Variants in ADARB2 observed in about 807,000 individuals in gnomAD.
ADARB2 encodes the protein inactive double-stranded RNA-specific editase B2.
A neutral mutation model predicts 62.2 loss-of-function variants in ADARB2; 25 were observed. The ratio of observed to expected loss-of-function variants is 0.40; its 90% confidence interval spans 0.29 to 0.56. ADARB2 has a LOEUF of 0.56. Ranked by LOEUF, ADARB2 falls within the 20% of genes least tolerant of loss-of-function variation. The pLI is 0.43. For missense variants in ADARB2, 1,071 were observed against 1,077.4 expected (o/e 0.99, Z 0.08); for synonymous variants, 572 against 500.8 (o/e 1.14, Z -1.90).
At chr10:1,689,027 G>C (rs1834634856) in intron 1 of ADARB2, among the ~76,000 whole-genome samples, 1 of 152,206 alleles carries the variant, frequency 6.6e-6, no homozygotes. Context: ...GCAGGGGTAA[G>C]AAGAATTTCC....
chr10:1,452,622 G>C (rs1391288052), intron 1 of ADARB2, among the ~76,000 whole-genome samples: 1 of 149,500 alleles, frequency 6.7e-6, no homozygotes, highest in Non-Finnish European at 1.5e-5. Flanking sequence ...GGGGTTGGGG[G>C]GGGGAATATC....
chr10:1,498,946 A>T (rs1432169451), intron 1 of ADARB2, among the ~76,000 whole-genome samples: 1 of 152,016 alleles, frequency 6.6e-6, no homozygotes, highest in East Asian at 1.9e-4. Context: ...CTCACTCATT[A>T]CTCATTTATT....
chr10:1,551,477 A>G (rs1832621638), intron 1 of ADARB2, among the ~76,000 whole-genome samples: 3 of 152,224 alleles, frequency 2.0e-5, no homozygotes, highest in Non-Finnish European at 4.4e-5. Context: ...GGCAGGCTCG[A>G]GCAGGACTGC....
At chr10:1,523,076 C>A (rs1426441811) in intron 1 of ADARB2, among the ~76,000 whole-genome samples, 1 of 152,086 alleles carries the variant, frequency 6.6e-6, no homozygotes, top group South Asian at 2.1e-4. Flanking sequence ...AGAAGAGCAC[C>A]GACTCACGTT....
chr10:1,674,271 C>T (rs1303671911), intron 1 of ADARB2, among the ~76,000 whole-genome samples: 1 of 152,222 alleles, frequency 6.6e-6, no homozygotes, highest in Non-Finnish European at 1.5e-5. Flanking sequence ...GTGGGGGCCC[C>T]CGCAGCCTCA....
In ADARB2 at chr10:1,201,394, C is replaced by T. The variant is rs1019812489; in HGVS notation, c.1683-1247G>A. 3.3e-5 allele frequency among the ~76,000 whole-genome samples: 5 copies of T among 152,352 alleles called. No homozygotes were observed. The East Asian group carries it at 7.7e-4, about 23-fold the overall frequency. ...CATTGATTTTATGAAACATTTACTT[C>T]AGTCTATCAGATTTGCATAACTTCA... On this transcript the variant is annotated intron_variant, in intron 7 of 9. Coordinates refer to ENST00000381312, the MANE Select transcript of ADARB2 (RefSeq NM_018702.4).
intron 6 of ADARB2, among the ~76,000 whole-genome samples, chr10:1,227,002 G>GGA (rs1291651620): frequency 6.6e-6 from 1 of 152,248 alleles, no homozygotes; most frequent in African/African-American, 2.4e-5. Flanking sequence ...CCCCAGAGGT[G>GGA]GAGCCTATAG....
intron 1 of ADARB2, among the ~76,000 whole-genome samples, chr10:1,586,946 C>T (rs1833188700): frequency 6.6e-6 from 1 of 152,160 alleles, no homozygotes; most frequent in Admixed American, 6.5e-5. Flanking sequence ...TTAATTATAA[C>T]TTAAATTAAC....
chr10:1,538,624 G>A (rs941823560), intron 1 of ADARB2, among the ~76,000 whole-genome samples: 1 of 152,222 alleles, frequency 6.6e-6, no homozygotes, highest in Non-Finnish European at 1.5e-5. Flanking sequence ...GGCATCACGT[G>A]GTGGACGGGG....
chr10:1,364,045 A>G, intron 2 of ADARB2, 128 bp from the exon 3 acceptor site: 2 of 1,282,362 alleles, frequency 1.6e-6, no homozygotes, highest in Non-Finnish European at 2.0e-6. Context: ...AGGCCTGAGA[A>G]ATGACTGTGG....
At chr10:1,395,379 G>T (rs1832602431) in intron 1 of ADARB2, among the ~76,000 whole-genome samples, 2 of 152,206 alleles carry the variant, frequency 1.3e-5, no homozygotes, top group Non-Finnish European at 2.9e-5. Flanking sequence ...GGTCCTGGGA[G>T]GAGCTCGCTG....
intron 1 of ADARB2, among the ~76,000 whole-genome samples, chr10:1,405,014 C>T (rs570015651): frequency 2.0e-5 from 3 of 152,320 alleles, no homozygotes; most frequent in South Asian, 2.1e-4. Flanking sequence ...CAATTCCCGG[C>T]GCCTGCGTGG....
rs191130801 is a variant in ADARB2 at position 1,657,701 on chromosome 10, G to A, written c.100+79350C>T. ...ATGCAGTATGTCCTCTAAGCCGAGC[G>A]CAGGGTGCTGGAATCCGAGAGCCAG... On this transcript the variant is annotated intron_variant, in intron 1 of 9. Coordinates refer to ENST00000381312, the MANE Select transcript of ADARB2 (RefSeq NM_018702.4). 4.5e-3 allele frequency among the ~76,000 whole-genome samples: 682 copies of A among 152,282 alleles called. 7 individuals carry two copies. The highest frequency in any genetic ancestry group is 6.8e-3 in the Middle Eastern group (2 of 294).
At chr10:1,353,789 A>T (rs947485391) in intron 3 of ADARB2, among the ~76,000 whole-genome samples, 1 of 152,190 alleles carries the variant, frequency 6.6e-6, no homozygotes, top group Non-Finnish European at 1.5e-5. Context: ...GTTCCGTATA[A>T]CAGACAAGCC....
chr10:1,457,187 G>A (rs558725038), intron 1 of ADARB2, among the ~76,000 whole-genome samples: 42 of 152,332 alleles, frequency 2.8e-4, no homozygotes, highest in Non-Finnish European at 5.6e-4. Context: ...AATCTTCAGA[G>A]AATAATTTTC....
intron 1 of ADARB2, among the ~76,000 whole-genome samples, chr10:1,620,477 C>CTAA (rs1833692679): frequency 6.6e-6 from 1 of 152,166 alleles, no homozygotes; most frequent in Non-Finnish European, 1.5e-5. Flanking sequence ...GAAAATTAAA[C>CTAA]TAACAATTAG....
chr10:1,725,888 C>G (rs1835158080), intron 1 of ADARB2, among the ~76,000 whole-genome samples: 1 of 152,220 alleles, frequency 6.6e-6, no homozygotes, highest in South Asian at 2.1e-4. Flanking sequence ...TTTCTTCAGC[C>G]ACACTGGACT....
At chr10:1,646,607 C>T (rs951559299) in intron 1 of ADARB2, among the ~76,000 whole-genome samples, 3 of 152,250 alleles carry the variant, frequency 2.0e-5, no homozygotes, top group African/African-American at 7.2e-5. Context: ...CAGCAAAATG[C>T]CAGTCTTTCC....
At chr10:1,441,418 C>G (rs954137211) in intron 1 of ADARB2, among the ~76,000 whole-genome samples, 3 of 152,306 alleles carry the variant, frequency 2.0e-5, no homozygotes, top group Admixed American at 1.3e-4. Context: ...GAGACAACTT[C>G]TCAGAGGAAA....
Sources: gnomAD v4.1 joint callset for allele counts (sites outside exome capture counted in the v4.1 genomes callset) on GRCh38, gnomAD v4.1.1 for gene constraint, MANE v1.5 for transcripts, NCBI Gene and HGNC (gene_info 2026-07-23, HGNC 2026-07-21) for gene names.